EFR3B: variants seen among roughly 807,000 people sequenced by gnomAD.
EFR3B encodes EFR3 homolog B, also known as protein EFR3 homolog B.
In EFR3B, 64 loss-of-function variants were observed where a neutral mutation model predicts 104.7. The observed-to-expected ratio is 0.61, with a 90% CI of 0.50 to 0.75. EFR3B has a LOEUF of 0.75. Ranked by LOEUF, EFR3B falls within the 30% of genes least tolerant of loss-of-function variation. The probability of loss-of-function intolerance (pLI) is 0.00; values close to 1 mark genes in which losing one functional copy is unlikely to be tolerated. For missense variants in EFR3B, 750 were observed against 1,078.5 expected (o/e 0.70, Z 4.27); for synonymous variants, 385 against 417.9 (o/e 0.92, Z 0.96).
intron 1 of EFR3B, among the ~76,000 whole-genome samples, chr2:25,046,833 C>T (rs1300112342): frequency 2.6e-5 from 4 of 152,148 alleles, no homozygotes; most frequent in Admixed American, 2.6e-4. Flanking sequence ...GCAGAAATCT[C>T]CATAGACTCC....
At chr2:25,065,145 GC>G (rs1668298152) in intron 1 of EFR3B, among the ~76,000 whole-genome samples, 4 of 152,036 alleles carry the variant, frequency 2.6e-5, no homozygotes, top group Admixed American at 6.6e-5. Context: ...AGCAACAACA[GC>G]TTCTGTTGTT....
chr2:25,148,918 T>G (rs1263687538), intron 19 of EFR3B, among the ~76,000 whole-genome samples: 2 of 64,832 alleles, frequency 3.1e-5, no homozygotes, highest in Non-Finnish European at 2.8e-5. Context: ...CGAGACTCCG[T>G]CTCAAAAAAA....
intron 20 of EFR3B, among the ~76,000 whole-genome samples, chr2:25,150,808 A>G (rs1046103251): frequency 6.6e-6 from 1 of 151,992 alleles, no homozygotes; most frequent in Non-Finnish European, 1.5e-5. Flanking sequence ...ACAGGGTTTC[A>G]CCATGTTGGC....
chr2:25,050,872 G>A (rs6742909), intron 1 of EFR3B, among the ~76,000 whole-genome samples: 18,264 of 152,214 alleles, frequency 0.12, 1,169 homozygotes, highest in East Asian at 0.24. Flanking sequence ...AATTCATCCT[G>A]GAAGAGGAGA....
At chr2:25,074,562 C>T (rs1477874209) in intron 1 of EFR3B, among the ~76,000 whole-genome samples, 1 of 150,156 alleles carries the variant, frequency 6.7e-6, no homozygotes, top group Non-Finnish European at 1.5e-5. Flanking sequence ...GAGACTCCAT[C>T]TCAAAAAAAA....
chr2:25,153,631 T>A (rs1399616026), intron 21 of EFR3B, 81 bp from the exon 22 acceptor site: 1 of 1,433,626 alleles, frequency 7.0e-7, no homozygotes, highest in African/African-American at 1.4e-5. Context: ...CTCCAGCGTA[T>A]ACTCTGGACA....
chr2:25,046,506 C>CTTTTTTTTTTTTTTTTT lies in EFR3B; in HGVS notation c.7+4203_7+4204insTTTTTTTTTTTTTTTTT, dbSNP rs531667109. Among the ~76,000 whole-genome samples the CTTTTTTTTTTTTTTTTT allele has an allele frequency of 7.1e-4, 85 of 119,102 alleles. 4 individuals are homozygous for CTTTTTTTTTTTTTTTTT. The highest frequency in any genetic ancestry group is 5.5e-3 in the East Asian group (18 of 3,254). The allele number at this position is 119,102 out of a possible 152,430, so 78.1% of individuals were successfully genotyped here. A position where few individuals can be genotyped will look rare whatever the true frequency, so the allele number is the denominator to read the frequency against. On this transcript the variant is annotated intron_variant, in intron 1 of 22. Coordinates refer to ENST00000403714, the MANE Select transcript of EFR3B (RefSeq NM_014971.2). ...GCAGGCTCCCCCTGAAGTACAAAGT[C>CTTTTTTTTTTTTTTTTT]TTTTTTTTTTTTTTTTGAGACGGAG...
chr2:25,116,769 C>T (rs779808483), intron 4 of EFR3B, among the ~76,000 whole-genome samples: 42 of 151,968 alleles, frequency 2.8e-4, no homozygotes, highest in Non-Finnish European at 4.6e-4. Flanking sequence ...GTGGCTGACC[C>T]GCTTGGGACA....
At chr2:25,055,140 A>T (rs139606636) in intron 1 of EFR3B, among the ~76,000 whole-genome samples, 1 of 152,176 alleles carries the variant, frequency 6.6e-6, no homozygotes, top group Non-Finnish European at 1.5e-5. Context: ...AACTTACCCA[A>T]TGTCATGCAG....
At chr2:25,134,314 G>A (rs1670462437) in intron 12 of EFR3B, among the ~76,000 whole-genome samples, 1 of 151,890 alleles carries the variant, frequency 6.6e-6, no homozygotes, top group African/African-American at 2.4e-5. Flanking sequence ...ACAGGCGCAT[G>A]CCACCACCAC....
rs557642782 is a variant in EFR3B at position 25,137,738 on chromosome 2, G to A, written c.1722+236G>A. On this transcript the variant is annotated intron_variant, in intron 15 of 22. Coordinates refer to ENST00000403714, the MANE Select transcript of EFR3B (RefSeq NM_014971.2). This position sits in a 1 kb window ranked among gnomAD's most constrained non-coding sequence, Gnocchi z 4.7. ...CCGTCCTTAAGCTAAAGAAGACCCA[G>A]GGAACCGGGTCGTTCAGAAACATCC... 6.4e-4 allele frequency among the ~76,000 whole-genome samples: 98 copies of A among 152,278 alleles called. No homozygotes were observed. The highest frequency in any genetic ancestry group is 2.3e-3 in the African/African-American group (97 of 41,560).
intron 1 of EFR3B, chr2:25,081,661 A>C: frequency 1.7e-6 from 1 of 593,328 alleles, no homozygotes; most frequent in Non-Finnish European, 3.0e-6. Context: ...TGCGGCCAAC[A>C]GCTGGCTGTA....
At chr2:25,100,838 G>A (rs2149189821) in intron 3 of EFR3B, among the ~76,000 whole-genome samples, 1 of 152,284 alleles carries the variant, frequency 6.6e-6, no homozygotes, top group South Asian at 2.1e-4. Flanking sequence ...TATTCCACAT[G>A]ATTTGACATT....
rs371643900 is a variant in EFR3B at position 25,136,809 on chromosome 2, G to A, written c.1560+211G>A. Among the ~76,000 whole-genome samples, 2 of 152,152 alleles carry A rather than the reference G, an allele frequency of 1.3e-5. No individual in the cohort carries two copies. Among genetic ancestry groups the A allele is most frequent in the Admixed American group, 6.5e-5 (1 of 15,272 alleles). On this transcript the variant is annotated intron_variant, in intron 14 of 22. Transcript: ENST00000403714. The surrounding 1 kb of genome is among the most constrained non-coding windows in gnomAD (Gnocchi z 4.0). ...TGGGCACCTGCAATCCCAGCTACTC[G>A]GGAGGCTGAGGCAGGAGAATCGCTT...
chr2:25,060,908 G>A (rs1668174029), intron 1 of EFR3B, among the ~76,000 whole-genome samples: 2 of 142,642 alleles, frequency 1.4e-5, no homozygotes, highest in Admixed American at 1.5e-4. Context: ...GCGACACGAC[G>A]AGACTCCGAA....
In EFR3B at chr2:25,121,749, G is replaced by T; in HGVS notation, c.440G>T (p.Ser147Ile). Residue 147 changes from serine to isoleucine, a missense_variant, in exon 5 of 23, where the codon AGT (serine) becomes ATT (isoleucine). Transcript: ENST00000403714. The stretch of plus-strand genomic sequence containing the variant: ...TATGACTTCTTTGTGTCCCGATTCA[G>T]TGAAATGTGCCACTCGAGCCATGAT... ...RSYDFFVSRF[S>I]EMCHSSHDDL... 1 of 1,551,746 alleles carries T rather than the reference G, an allele frequency of 6.4e-7. No individual in the cohort carries two copies. Among genetic ancestry groups the T allele is most frequent in the Non-Finnish European group, 8.7e-7 (1 of 1,147,008 alleles).
chr2:25,095,071 A>G (rs1669241002), intron 3 of EFR3B, among the ~76,000 whole-genome samples: 1 of 152,152 alleles, frequency 6.6e-6, no homozygotes, highest in Non-Finnish European at 1.5e-5. Flanking sequence ...GATTACAGGC[A>G]TGAGCTACTG....
intron 19 of EFR3B, among the ~76,000 whole-genome samples, chr2:25,149,235 C>G (rs1670935981): frequency 6.6e-6 from 1 of 152,026 alleles, no homozygotes; most frequent in Admixed American, 6.6e-5. Flanking sequence ...ATAATCCCAG[C>G]TACTTGGGAG....
intron 15 of EFR3B, among the ~76,000 whole-genome samples, chr2:25,138,406 G>GCTA (rs1204390111): frequency 1.3e-5 from 2 of 152,130 alleles, no homozygotes. Flanking sequence ...TACACCCAAG[G>GCTA]CTACTGGGAG....
Sources: allele counts gnomAD v4.1 joint callset (sites outside exome capture counted in the v4.1 genomes callset), GRCh38; gene constraint gnomAD v4.1.1; non-coding constraint Gnocchi (gnomAD v3.1); transcripts MANE v1.5; gene names NCBI Gene and HGNC (gene_info 2026-07-23, HGNC 2026-07-21).